Variants in EPC1 observed in about 807,000 individuals in gnomAD.
The protein encoded by EPC1 is enhancer of polycomb 1, also known as enhancer of polycomb homolog 1.
A neutral mutation model predicts 98.4 loss-of-function variants in EPC1; 12 were observed. The observed-to-expected ratio is 0.12, with a 90% CI of 0.08 to 0.20. The LOEUF (loss-of-function observed/expected upper bound fraction) is 0.20. Among genes scored for constraint, EPC1 ranks in the 10% least tolerant of loss-of-function variants. The probability of loss-of-function intolerance (pLI) is 1.00; values close to 1 mark genes in which losing one functional copy is unlikely to be tolerated. For missense variants in EPC1, 729 were observed against 990.5 expected, an observed-to-expected ratio of 0.74 and a Z score of 3.54; for synonymous variants, 357 against 363.9, an observed-to-expected ratio of 0.98 and a Z score of 0.21.
At chr10:32,364,884 A>T (rs2133110131) in intron 1 of EPC1, among the ~76,000 whole-genome samples, 1 of 148,570 alleles carries the variant, frequency 6.7e-6, no homozygotes, top group East Asian at 2.0e-4. Context: ...GCTTTCTTAA[A>T]ATATTACGAG....
chr10:32,287,302 C>T (rs1258804585), intron 6 of EPC1, 28 bp from the exon 7 acceptor site: 5 of 1,605,458 alleles, frequency 3.1e-6, no homozygotes, highest in Non-Finnish European at 4.3e-6. Context: ...ATTAATTATA[C>T]ACCAGAAACC....
chr10:32,274,331 GTTGT>G (rs1045315503), intron 10 of EPC1, among the ~76,000 whole-genome samples: 2 of 152,094 alleles, frequency 1.3e-5, no homozygotes, highest in Non-Finnish European at 2.9e-5. Context: ...CACCTAATTT[GTTGT>G]TTAACTTCAG....
chr10:32,268,969 G>A lies in EPC1; in HGVS notation c.*94C>T, dbSNP rs549197122. 544 of 1,040,750 alleles carry A rather than the reference G, an allele frequency of 5.2e-4. No homozygotes were observed. The highest frequency in any genetic ancestry group is 6.8e-4 in the Non-Finnish European group (465 of 679,498). The allele number at this position is 1,040,750 out of a possible 1,614,324, so 64.5% of individuals were successfully genotyped here. On this transcript the variant is annotated 3_prime_UTR_variant, in exon 14 of 14. Coordinates refer to ENST00000319778, the MANE Select transcript of EPC1 (RefSeq NM_001272004.3). Reference sequence around the variant, plus strand: ...AAGTCCCCACAGCTGCCACAGAAACGCATGTGCTGCTTTCCATCATCCCTT... The same window carrying A: ...AAGTCCCCACAGCTGCCACAGAAACACATGTGCTGCTTTCCATCATCCCTT...
chr10:32,367,793 G>A (rs1047771785), intron 1 of EPC1, among the ~76,000 whole-genome samples: 9 of 152,210 alleles, frequency 5.9e-5, no homozygotes, highest in African/African-American at 1.7e-4. Context: ...CAAATAAACA[G>A]CAGTGCCATT....
intron 1 of EPC1, among the ~76,000 whole-genome samples, chr10:32,375,978 A>C (rs1013243731): frequency 6.6e-6 from 1 of 152,034 alleles, no homozygotes; most frequent in Non-Finnish European, 1.5e-5. Context: ...AAAAAAAATA[A>C]TGTTCAAGGA....
chr10:32,343,303 C>T lies in EPC1; in HGVS notation c.153+3460G>A, dbSNP rs1229742891. Among the ~76,000 whole-genome samples the T allele has an allele frequency of 2.0e-5, 3 of 152,246 alleles. No individual in the cohort carries two copies. The South Asian group carries it at 6.2e-4, about 32-fold the overall frequency. The stretch of plus-strand genomic sequence containing the variant: ...TCAGCTCTCTGCAACTTCCACCTCC[C>T]GGGTTCAAGCGATTCTCCTGCCTCA... On this transcript the variant is annotated intron_variant, in intron 1 of 13. Transcript: ENST00000319778.
intron 1 of EPC1, chr10:32,378,439 A>T: frequency 6.8e-7 from 1 of 1,469,674 alleles, no homozygotes; most frequent in Non-Finnish European, 9.2e-7. Flanking sequence ...AATCCTTTTT[A>T]GCCGGTGGCT....
At position 32,269,205 on chromosome 10, in the gene EPC1, C is replaced by T. The variant is rs1835717308; in HGVS notation, c.2370-70G>A. On this transcript the variant is annotated intron_variant, in intron 13 of 13. Coordinates refer to ENST00000319778, the MANE Select transcript of EPC1 (RefSeq NM_001272004.3). ...ATTCAGCAAATGAACATTATCTTCC[C>T]AACAAAAAGTTTATTTTTATTAACA... is the stretch of plus-strand genomic sequence containing the variant. 8 of 1,344,064 alleles carry T rather than the reference C, an allele frequency of 6.0e-6. No homozygotes were observed. In the East Asian group the frequency reaches 9.8e-5, roughly 16 times the overall value. 83.3% of individuals were successfully genotyped at this position (1,344,064 alleles called of 1,614,324 possible).
At chr10:32,340,967 T>C (rs1353095668) in intron 1 of EPC1, among the ~76,000 whole-genome samples, 1 of 152,230 alleles carries the variant, frequency 6.6e-6, no homozygotes, top group African/African-American at 2.4e-5. Flanking sequence ...GTTCCAAAAG[T>C]CTACTTTAAA....
intron 1 of EPC1, among the ~76,000 whole-genome samples, chr10:32,312,343 T>G (rs1836287355): frequency 1.3e-5 from 2 of 152,168 alleles, no homozygotes; most frequent in South Asian, 4.1e-4. Context: ...TGAATGACAT[T>G]TAATGACATG....
chr10:32,332,871 A>G (rs1355569457), intron 1 of EPC1, among the ~76,000 whole-genome samples: 13 of 152,228 alleles, frequency 8.5e-5, no homozygotes, highest in African/African-American at 2.9e-4. Flanking sequence ...GAAACAGACC[A>G]TGGCTCTTAA....
intron 3 of EPC1, among the ~76,000 whole-genome samples, 185 bp from the exon 4 acceptor site, chr10:32,293,379 G>A (rs796194118): frequency 1.3e-5 from 2 of 152,068 alleles, no homozygotes; most frequent in African/African-American, 2.4e-5. Context: ...TCATCTTTAC[G>A]ACAATCCCAG....
chr10:32,308,398 C>T (rs1836000018), intron 1 of EPC1, among the ~76,000 whole-genome samples: 2 of 140,948 alleles, frequency 1.4e-5, no homozygotes, highest in South Asian at 4.5e-4. Context: ...AAAAAAAAAG[C>T]ATACACCAAT....
At chr10:32,301,086 C>G (rs1026023631) in intron 2 of EPC1, among the ~76,000 whole-genome samples, 38 of 151,000 alleles carry the variant, frequency 2.5e-4, no homozygotes, top group Admixed American at 3.9e-4. Context: ...ATCTATCTAT[C>G]TATCTGCCTG....
At chr10:32,305,501 G>GTT (rs55988267) in intron 2 of EPC1, among the ~76,000 whole-genome samples, 2 of 146,816 alleles carry the variant, frequency 1.4e-5, no homozygotes, top group Admixed American at 6.8e-5. Flanking sequence ...CTATATCTGA[G>GTT]TTTTTTTTTT....
intron 1 of EPC1, among the ~76,000 whole-genome samples, chr10:32,327,601 G>C (rs1386902243): frequency 6.6e-6 from 1 of 151,900 alleles, no homozygotes; most frequent in Non-Finnish European, 1.5e-5. Flanking sequence ...AATGTGTTCT[G>C]AGAAATGCAT....
intron 1 of EPC1, among the ~76,000 whole-genome samples, chr10:32,353,761 A>G (rs1437506275): frequency 1.3e-5 from 2 of 152,256 alleles, no homozygotes; most frequent in Admixed American, 1.3e-4. Flanking sequence ...AAAGTGATGT[A>G]GTGCAATAAT....
intron 1 of EPC1, among the ~76,000 whole-genome samples, chr10:32,367,646 T>C (rs1839638018): frequency 6.6e-6 from 1 of 152,246 alleles, no homozygotes; most frequent in South Asian, 2.1e-4. Context: ...TGAACAAATG[T>C]ATTTTTAAAA....
At chr10:32,346,694 TCCG>T (rs796414017) in intron 1 of EPC1, 66 bp downstream of exon 1, 57 of 1,497,904 alleles carry the variant, frequency 3.8e-5, no homozygotes, top group Middle Eastern at 1.9e-4. Flanking sequence ...GGTTTGCTGC[TCCG>T]CCGCCGCCGC....
Sources: allele counts gnomAD v4.1 joint callset (sites outside exome capture counted in the v4.1 genomes callset), GRCh38; gene constraint gnomAD v4.1.1; transcripts MANE v1.5; gene names NCBI Gene and HGNC (gene_info 2026-07-23, HGNC 2026-07-21).